The following ALG14 variants were observed in gnomAD, a reference collection of about 807,000 sequenced individuals.
ALG14 encodes UDP-N-acetylglucosamine transferase subunit ALG14.
Under a neutral mutation model 22.8 loss-of-function variants are expected in ALG14, and 17 were observed. The observed-to-expected ratio is 0.75, with a 90% confidence interval of 0.51 to 1.12. The LOEUF is 1.12. Among genes scored for constraint, ALG14 ranks in the 50% most tolerant of loss-of-function variants. ALG14 has a pLI of 0.00. For synonymous variants in ALG14, 89 were observed against 103.7 expected, an observed-to-expected ratio of 0.86 and a Z score of 0.86; for missense variants, 288 against 271.8, an observed-to-expected ratio of 1.06 and a Z score of -0.42.
rs912240352 is a variant in ALG14 at position 94,974,871 on chromosome 1, A to C, written c.*8205T>G. ...CTCTCTTCCAAGGTGTCTGAGCCTCAGCTGGGAAGACCAGAAAGCCTGGAG... is the reference window on the plus strand; with the variant it reads ...CTCTCTTCCAAGGTGTCTGAGCCTCCGCTGGGAAGACCAGAAAGCCTGGAG... On this transcript the variant is annotated 3_prime_UTR_variant, in exon 4 of 4. Transcript: ENST00000370205. 3.9e-5 allele frequency: 6 copies of C among 152,258 alleles called. No homozygotes were observed. Among genetic ancestry groups the C allele is most frequent in the African/African-American group, 1.4e-4 (6 of 41,462 alleles). 9.4% of individuals were successfully genotyped at this position (152,258 alleles called of 1,614,324 possible).
At chr1:95,071,796 C>T (rs968555347) in intron 1 of ALG14, among the ~76,000 whole-genome samples, 1 of 152,196 alleles carries the variant, frequency 6.6e-6, no homozygotes, top group African/African-American at 2.4e-5. Flanking sequence ...TAAAGTAGTG[C>T]CCTTCCTGAA....
intron 1 of ALG14, among the ~76,000 whole-genome samples, chr1:95,068,037 C>T (rs770388630): frequency 4.6e-5 from 7 of 152,166 alleles, no homozygotes; most frequent in Non-Finnish European, 1.0e-4. Context: ...TTTATCACTG[C>T]ATAACTTACT....
At chr1:94,998,059 G>A (rs1672953910) in intron 3 of ALG14, among the ~76,000 whole-genome samples, 1 of 152,160 alleles carries the variant, frequency 6.6e-6, no homozygotes, top group Non-Finnish European at 1.5e-5. Flanking sequence ...CCTATTTTGT[G>A]CAGTTCAGCT....
intron 3 of ALG14, among the ~76,000 whole-genome samples, chr1:95,012,116 G>A (rs1206466575): frequency 1.3e-5 from 2 of 152,132 alleles, no homozygotes; most frequent in Non-Finnish European, 2.9e-5. Flanking sequence ...CATGTAAAAC[G>A]TGCCTTTTGC....
chr1:95,036,453 G>A lies in ALG14; in HGVS notation c.289-9193C>T, dbSNP rs1404223414. Among the ~76,000 whole-genome samples, 3 of 120,278 alleles carry A rather than the reference G, an allele frequency of 2.5e-5. No individual in the cohort carries two copies. The East Asian group carries it at 7.6e-4, about 31-fold the overall frequency. 78.9% of individuals were successfully genotyped at this position (120,278 alleles called of 152,430 possible). On this transcript the variant is annotated intron_variant, in intron 2 of 3. Coordinates refer to ENST00000370205, the MANE Select transcript of ALG14 (RefSeq NM_144988.4). Reference sequence around the variant, plus strand: ...TTTTTTTTTTTTTTTTTGAGATGGAGTCTCACTCTGTTGCCCAGGTTGGGG... The same window carrying A: ...TTTTTTTTTTTTTTTTTGAGATGGAATCTCACTCTGTTGCCCAGGTTGGGG...
rs187485640 is a variant in ALG14 at position 95,017,105 on chromosome 1, G to T, written c.420+10024C>A. 3.2e-3 allele frequency among the ~76,000 whole-genome samples: 481 copies of T among 152,120 alleles called. 1 individual carries two copies. Among genetic ancestry groups the T allele is most frequent in the African/African-American group, 0.011 (464 of 41,490 alleles). The stretch of plus-strand genomic sequence containing the variant: ...ATCGCCCAAGGATCATCAGTTTGCT[G>T]CAGAACTGGCTGATAAAAAAGACAA... On this transcript the variant is annotated intron_variant, in intron 3 of 3. Transcript: ENST00000370205.
Position 94,976,135 on chromosome 1 carries a change from G to A in ALG14, c.*6941C>T, listed in dbSNP as rs996262804. 6.6e-6 allele frequency: 1 copy of A among 151,800 alleles called. No homozygotes were observed. Among genetic ancestry groups the A allele is most frequent in the Admixed American group, 6.6e-5 (1 of 15,228 alleles). 9.4% of individuals were successfully genotyped at this position (151,800 alleles called of 1,614,324 possible). ...GGGCTTACTATTTAGCAGGCTCTGTGCTAAACACTGTACATACATCATCTG... is the reference window on the plus strand; with the variant it reads ...GGGCTTACTATTTAGCAGGCTCTGTACTAAACACTGTACATACATCATCTG... On this transcript the variant is annotated 3_prime_UTR_variant, in exon 4 of 4. Transcript: ENST00000370205.
At chr1:95,047,146 C>T (rs1421286959) in intron 2 of ALG14, among the ~76,000 whole-genome samples, 2 of 152,028 alleles carry the variant, frequency 1.3e-5, no homozygotes, top group Non-Finnish European at 2.9e-5. Context: ...CCATAACCTG[C>T]TCCTTCCAAA....
intron 2 of ALG14, among the ~76,000 whole-genome samples, chr1:95,040,713 C>A (rs536087360): frequency 6.6e-6 from 1 of 151,928 alleles, no homozygotes; most frequent in Admixed American, 6.6e-5. Flanking sequence ...TTTAATTGTG[C>A]TATTTATGTT....
intron 1 of ALG14, among the ~76,000 whole-genome samples, 172 bp from the exon 2 acceptor site, chr1:95,065,189 A>G (rs1675315478): frequency 6.6e-6 from 1 of 152,212 alleles, no homozygotes; most frequent in South Asian, 2.1e-4. Context: ...GCCCTCGTAT[A>G]AATACAACTT....
At chr1:95,060,419 T>C (rs573539755) in intron 2 of ALG14, among the ~76,000 whole-genome samples, 50 of 152,118 alleles carry the variant, frequency 3.3e-4, no homozygotes, top group Middle Eastern at 3.4e-3. Flanking sequence ...AATGGCACTA[T>C]AAAAATCCAA....
chr1:94,990,907 C>T (rs1419253730), intron 3 of ALG14, among the ~76,000 whole-genome samples: 1 of 152,212 alleles, frequency 6.6e-6, no homozygotes, highest in Non-Finnish European at 1.5e-5. Flanking sequence ...TTGATAAGTT[C>T]CCTCTAACTT....
chr1:95,022,671 G>A (rs1435206844), intron 3 of ALG14, among the ~76,000 whole-genome samples: 1 of 152,206 alleles, frequency 6.6e-6, no homozygotes, highest in African/African-American at 2.4e-5. Flanking sequence ...CATTAATCTT[G>A]GAAAACATGA....
rs181139826 is a variant in ALG14, at chr1:95,032,572, G to A, written c.289-5312C>T. 1.2e-4 allele frequency among the ~76,000 whole-genome samples: 18 copies of A among 152,328 alleles called. 1 individual carries two copies. The East Asian group carries it at 3.3e-3, about 28-fold the overall frequency. ...CTCTTTCCAAAAAATAGGACCATGA[G>A]AGAGGAGTGTGCTGAGGCTTTGAGG... On this transcript the variant is annotated intron_variant, in intron 2 of 3. Coordinates refer to ENST00000370205, the MANE Select transcript of ALG14 (RefSeq NM_144988.4).
intron 2 of ALG14, among the ~76,000 whole-genome samples, chr1:95,044,602 T>A (rs1041522410): frequency 2.6e-5 from 4 of 152,128 alleles, no homozygotes; most frequent in African/African-American, 9.7e-5. Flanking sequence ...TTCAAGGTCC[T>A]AAGAGCAATC....
rs940119948 is a variant in ALG14, at chr1:94,978,338, G to C, written c.*4738C>G. The stretch of plus-strand genomic sequence containing the variant: ...GGCCTCCCAAAGTGCTGGGATTACA[G>C]GCGTGAGCCACCATGCCTGGCCAAA... On this transcript the variant is annotated 3_prime_UTR_variant, in exon 4 of 4. Coordinates refer to ENST00000370205, the MANE Select transcript of ALG14 (RefSeq NM_144988.4). 6.6e-6 allele frequency: 1 copy of C among 152,272 alleles called. No homozygotes were observed. Among genetic ancestry groups the C allele is most frequent in the African/African-American group, 2.4e-5 (1 of 41,436 alleles). 9.4% of individuals were successfully genotyped at this position (152,272 alleles called of 1,614,324 possible). A position where few individuals can be genotyped will look rare whatever the true frequency, so the allele number is the denominator to read the frequency against.
intron 2 of ALG14, among the ~76,000 whole-genome samples, chr1:95,039,731 C>A (rs1232959007): frequency 6.6e-6 from 1 of 152,118 alleles, no homozygotes; most frequent in East Asian, 1.9e-4. Flanking sequence ...GTAGACCTAG[C>A]AGGCAAGTGG....
In ALG14 at chr1:94,974,879, A is replaced by G. The variant is rs975112011; in HGVS notation, c.*8197T>C. The G allele has an allele frequency of 2.0e-5, 3 of 152,226 alleles. No individual in the cohort carries two copies. The highest frequency in any genetic ancestry group is 4.4e-5 in the Non-Finnish European group (3 of 68,044). The allele number at this position is 152,226 out of a possible 1,614,324, so 9.4% of individuals were successfully genotyped here. On this transcript the variant is annotated 3_prime_UTR_variant, in exon 4 of 4. Coordinates refer to ENST00000370205, the MANE Select transcript of ALG14 (RefSeq NM_144988.4). ...CAAGGTGTCTGAGCCTCAGCTGGGA[A>G]GACCAGAAAGCCTGGAGTGACTCAA...
intron 1 of ALG14, among the ~76,000 whole-genome samples, chr1:95,066,475 G>A (rs1352872079): frequency 1.3e-5 from 2 of 151,958 alleles, no homozygotes; most frequent in African/African-American, 4.8e-5. Context: ...CCACCCACTC[G>A]GCCTCCCAAA....
Sources: gnomAD v4.1 joint callset for allele counts (sites outside exome capture counted in the v4.1 genomes callset) on GRCh38, gnomAD v4.1.1 for gene constraint, MANE v1.5 for transcripts, NCBI Gene and HGNC (gene_info 2026-07-23, HGNC 2026-07-21) for gene names.